Variants in AP1G1 observed in about 807,000 individuals in gnomAD.
AP1G1 encodes adaptor related protein complex 1 subunit gamma 1.
Under a neutral mutation model 108.3 loss-of-function variants are expected in AP1G1, and 7 were observed. The observed-to-expected ratio is 0.06, with a 90% CI of 0.04 to 0.12. The LOEUF (loss-of-function observed/expected upper bound fraction) is 0.12. Among genes scored for constraint, AP1G1 ranks in the 10% least tolerant of loss-of-function variants. The probability of loss-of-function intolerance (pLI) is 1.00; values close to 1 mark genes in which losing one functional copy is unlikely to be tolerated. For missense variants in AP1G1, 756 were observed against 1,010.7 expected (o/e 0.75, Z 3.42); for synonymous variants, 379 against 353.5 (o/e 1.07, Z -0.81).
At chr16:71,773,900 C>T (rs1402157108) in intron 3 of AP1G1, among the ~76,000 whole-genome samples, 2 of 148,934 alleles carry the variant, frequency 1.3e-5, no homozygotes, top group African/African-American at 2.5e-5. Flanking sequence ...GTAGCTGGGA[C>T]TACAGGCGCA....
At chr16:71,802,313 C>A (rs1362755665) in intron 1 of AP1G1, among the ~76,000 whole-genome samples, 1 of 152,138 alleles carries the variant, frequency 6.6e-6, no homozygotes, top group African/African-American at 2.4e-5. Flanking sequence ...GTCACCCAGG[C>A]TGGAGTGCAG....
chr16:71,765,761 T>C (rs2031286833), intron 6 of AP1G1, 177 bp from the exon 7 acceptor site: 1 of 549,674 alleles, frequency 1.8e-6, no homozygotes, highest in Non-Finnish European at 3.3e-6. Flanking sequence ...TAGGGCAATA[T>C]TCAAGAAGTA....
chr16:71,753,753 C>G, intron 13 of AP1G1, 80 bp downstream of exon 13: 1 of 1,294,084 alleles, frequency 7.7e-7, no homozygotes, highest in South Asian at 1.2e-5. Flanking sequence ...TTTCTTACCT[C>G]CCTGACTAGA....
chr16:71,796,210 G>T (rs979397248), intron 1 of AP1G1, among the ~76,000 whole-genome samples: 1 of 152,094 alleles, frequency 6.6e-6, no homozygotes, highest in Admixed American at 6.6e-5. Flanking sequence ...CTGCACTCCA[G>T]CCTGGGTTGT....
At chr16:71,734,367 A>C (rs1019984942) in intron 22 of AP1G1, among the ~76,000 whole-genome samples, 4 of 152,148 alleles carry the variant, frequency 2.6e-5, no homozygotes, top group Non-Finnish European at 5.9e-5. Flanking sequence ...CCCTACCCCC[A>C]AAAACCAGAC....
intron 6 of AP1G1, among the ~76,000 whole-genome samples, chr16:71,769,128 CA>C (rs2031466090): frequency 6.6e-6 from 1 of 150,842 alleles, no homozygotes; most frequent in Admixed American, 6.6e-5. Context: ...CCTAAAAATA[CA>C]AAAATTAGAT....
rs2030996543 is a variant in AP1G1 at position 71,759,880 on chromosome 16, T to G, written c.975-959A>C. The stretch of plus-strand genomic sequence containing the variant: ...AACAAAAAGAGCATATAATATGTCT[T>G]TTAAGGCTGCCTTTCCCCCAAAATG... On this transcript the variant is annotated intron_variant, in intron 10 of 22. Coordinates refer to ENST00000299980, the MANE Select transcript of AP1G1 (RefSeq NM_001128.6). Among the ~76,000 whole-genome samples, 10 of 152,204 alleles carry G rather than the reference T, an allele frequency of 6.6e-5. No individual in the cohort carries two copies. The South Asian group carries it at 2.1e-3, about 32-fold the overall frequency.
intron 15 of AP1G1, among the ~76,000 whole-genome samples, chr16:71,748,900 G>GTT (rs550768305): frequency 1.3e-3 from 192 of 146,892 alleles, no homozygotes; most frequent in African/African-American, 4.1e-3. Context: ...CACCTGTTTT[G>GTT]TTTTTTTTTT....
chr16:71,787,671 A>C (rs1189498139), intron 2 of AP1G1, among the ~76,000 whole-genome samples: 1 of 152,150 alleles, frequency 6.6e-6, no homozygotes, highest in South Asian at 2.1e-4. Context: ...AAAATCAATC[A>C]ACCGATCAAC....
Position 71,808,746 on chromosome 16 carries a change from C to T in AP1G1, c.-4+17G>A, listed in dbSNP as rs1472085892. ...CAAAAGCAGCAATATGCTCTCAGCG[C>T]CGGGAGTGACACTCACCGGCCCGAA... On this transcript the variant is annotated intron_variant, in intron 1 of 22. Transcript: ENST00000299980. 2.3e-6 allele frequency: 3 copies of T among 1,288,692 alleles called. No homozygotes were observed. Among genetic ancestry groups the T allele is most frequent in the East Asian group, 1.1e-4 (2 of 18,014 alleles). The allele number at this position is 1,288,692 out of a possible 1,614,324, so 79.8% of individuals were successfully genotyped here.
rs535683426 is a variant in AP1G1 at position 71,785,843 on chromosome 16, T to C, written c.201+3436A>G. Among the ~76,000 whole-genome samples, 10 of 151,848 alleles carry C rather than the reference T, an allele frequency of 6.6e-5. No individual in the cohort carries two copies. In the South Asian group the frequency reaches 1.5e-3, roughly 22 times the overall value. ...TTTGCAGTGAGCTGAGATCACACCATTGCACTCCAGCCTGGGCAACAGGGC... is the reference window on the plus strand; with the variant it reads ...TTTGCAGTGAGCTGAGATCACACCACTGCACTCCAGCCTGGGCAACAGGGC... On this transcript the variant is annotated intron_variant, in intron 2 of 22. Transcript: ENST00000299980.
chr16:71,787,582 AAG>A (rs1164618394), intron 2 of AP1G1, among the ~76,000 whole-genome samples: 1 of 152,242 alleles, frequency 6.6e-6, no homozygotes, highest in East Asian at 1.9e-4. Context: ...CTGAGGAATT[AAG>A]AGTCTTCTCC....
At chr16:71,743,261 C>G (rs1480077673) in intron 19 of AP1G1, 1 of 151,618 alleles carries the variant, frequency 6.6e-6, no homozygotes, top group Non-Finnish European at 1.5e-5. Context: ...TGTTAAGACA[C>G]AGACATAAAT....
chr16:71,795,601 C>A (rs1409557380), intron 1 of AP1G1, among the ~76,000 whole-genome samples: 1 of 152,200 alleles, frequency 6.6e-6, no homozygotes, highest in Admixed American at 6.5e-5. Context: ...ATTTTTATTT[C>A]ATATGTATAT....
At chr16:71,751,038 C>T (rs1362921076) in intron 13 of AP1G1, among the ~76,000 whole-genome samples, 1 of 151,342 alleles carries the variant, frequency 6.6e-6, no homozygotes, top group Non-Finnish European at 1.5e-5. Flanking sequence ...GCTTGTAGTC[C>T]CAGCTACTCA....
rs529550793 is a variant in AP1G1 at position 71,756,815 on chromosome 16, G to A, written c.1089-656C>T. Among the ~76,000 whole-genome samples the A allele has an allele frequency of 2.0e-3, 297 of 151,868 alleles. 1 individual carries two copies. Among genetic ancestry groups the A allele is most frequent in the Admixed American group, 2.5e-3 (38 of 15,242 alleles). ...AAATTAGCCGGGCATGGTGGTGGGC[G>A]CCTGTAGTCCCAGGTACTAGGGAGG... On this transcript the variant is annotated intron_variant, in intron 11 of 22. Coordinates refer to ENST00000299980, the MANE Select transcript of AP1G1 (RefSeq NM_001128.6).
At chr16:71,768,358 G>A (rs7404381) in intron 6 of AP1G1, among the ~76,000 whole-genome samples, 51,660 of 151,022 alleles carry the variant, frequency 0.34, 9,630 homozygotes, top group East Asian at 0.76. Context: ...AAAATTAGCC[G>A]GGCATGGTGG....
chr16:71,764,805 C>T, intron 7 of AP1G1, 79 bp from the exon 8 acceptor site: 1 of 854,548 alleles, frequency 1.2e-6, no homozygotes, highest in East Asian at 2.6e-5. Flanking sequence ...ATTCAAATAA[C>T]TAAATGAAGT....
chr16:71,784,595 G>A (rs965512366), intron 2 of AP1G1, among the ~76,000 whole-genome samples: 4 of 152,108 alleles, frequency 2.6e-5, no homozygotes, highest in African/African-American at 9.7e-5. Flanking sequence ...GTCTCGCTTT[G>A]TCGCCCAGGC....
Sources: allele counts gnomAD v4.1 joint callset (sites outside exome capture counted in the v4.1 genomes callset), GRCh38; gene constraint gnomAD v4.1.1; transcripts MANE v1.5; gene names NCBI Gene and HGNC (gene_info 2026-07-23, HGNC 2026-07-21).